SEC31B: variants seen among roughly 807,000 people sequenced by gnomAD.
SEC31B encodes protein transport protein Sec31B.
In SEC31B, 113 loss-of-function variants were observed where a neutral mutation model predicts 135.0. The observed-to-expected ratio is 0.84, with a 90% confidence interval of 0.72 to 0.98. SEC31B has a LOEUF of 0.98. SEC31B is among the 50% of genes least tolerant of loss of function. The probability of loss-of-function intolerance (pLI) is 0.00; values close to 1 mark genes in which losing one functional copy is unlikely to be tolerated. For missense variants in SEC31B, 1,296 were observed against 1,421.1 expected (o/e 0.91, Z 1.42); for synonymous variants, 508 against 549.4 (o/e 0.92, Z 1.05).
At chr10:100,516,526 G>C (rs1851850089) in intron 2 of SEC31B, among the ~76,000 whole-genome samples, 1 of 151,820 alleles carries the variant, frequency 6.6e-6, no homozygotes, top group Non-Finnish European at 1.5e-5. Context: ...GTGGGTACCT[G>C]TAGTCCCAGC....
intron 3 of SEC31B, among the ~76,000 whole-genome samples, chr10:100,510,516 T>C (rs1053412906): frequency 6.6e-6 from 1 of 152,214 alleles, no homozygotes; most frequent in South Asian, 2.1e-4. Context: ...ACATGTGAAA[T>C]CCCTGAAGCC....
chr10:100,497,185 C>A lies in SEC31B; in HGVS notation c.2086G>T (p.Val696Leu), dbSNP rs1241589148. 6.2e-7 allele frequency: 1 copy of A among 1,614,234 alleles called. No homozygotes were observed. Among genetic ancestry groups the A allele is most frequent in the Middle Eastern group, 1.6e-4 (1 of 6,062 alleles). ...TGGTGGCATTTTGCCCAGCACTCCA[C>A]CAGCCGCTCCACACTCCCTGAGCAC... ...YVCSGSVERL[V>L]ECWAKCHQAL... The change falls in exon 17 of 26, where the codon GTG becomes TTG. Residue 696 changes from valine (V) to leucine (L), a missense_variant. Transcript: ENST00000370345.
chr10:100,508,236 T>C (rs181653032), intron 5 of SEC31B, among the ~76,000 whole-genome samples, 185 bp from the exon 6 acceptor site: 2 of 152,250 alleles, frequency 1.3e-5, no homozygotes, highest in East Asian at 3.9e-4. Context: ...GGTATCAGTG[T>C]AGAAGCAGAG....
At chr10:100,499,474 C>T (rs894990452) in intron 12 of SEC31B, 50 bp downstream of exon 12, 2 of 1,460,322 alleles carry the variant, frequency 1.4e-6, no homozygotes, top group Non-Finnish European at 1.9e-6. Flanking sequence ...TGGCAACATT[C>T]TCTTCTTCTC....
intron 19 of SEC31B, among the ~76,000 whole-genome samples, chr10:100,494,015 G>A (rs1041225113): frequency 4.6e-5 from 7 of 151,672 alleles, no homozygotes; most frequent in African/African-American, 1.7e-4. Context: ...AGAAAGGGAG[G>A]GAGGAAAGGG....
chr10:100,495,333 T>A, intron 19 of SEC31B, 52 bp downstream of exon 19: 3 of 1,532,974 alleles, frequency 2.0e-6, no homozygotes, highest in Non-Finnish European at 2.7e-6. Context: ...CCCAGAACCA[T>A]GCTTGGCACG....
chr10:100,515,432 A>C (rs528535913), intron 3 of SEC31B, among the ~76,000 whole-genome samples: 2 of 152,346 alleles, frequency 1.3e-5, no homozygotes, highest in South Asian at 2.1e-4. Flanking sequence ...TCAACTTTAC[A>C]AGACCTTTAG....
chr10:100,489,154 C>T, intron 23 of SEC31B, 98 bp downstream of exon 23: 1 of 1,467,550 alleles, frequency 6.8e-7, no homozygotes, highest in Non-Finnish European at 9.1e-7. Flanking sequence ...CAGTCTCCCT[C>T]AGCACATGCC....
intron 3 of SEC31B, among the ~76,000 whole-genome samples, chr10:100,512,089 A>AT (rs977716599): frequency 6.6e-6 from 1 of 152,144 alleles, no homozygotes; most frequent in Non-Finnish European, 1.5e-5. Context: ...TACACAAATG[A>AT]TTTTTTTCTG....
chr10:100,511,799 G>T (rs932354500), intron 3 of SEC31B, among the ~76,000 whole-genome samples: 1 of 152,164 alleles, frequency 6.6e-6, no homozygotes, highest in African/African-American at 2.4e-5. Flanking sequence ...AGCCTCCCTA[G>T]AAGTCAAACA....
intron 19 of SEC31B, among the ~76,000 whole-genome samples, chr10:100,493,012 C>T (rs778373443): frequency 1.3e-5 from 2 of 152,176 alleles, no homozygotes; most frequent in Non-Finnish European, 2.9e-5. Context: ...ATACTCATAG[C>T]AGCTTTACTC....
In SEC31B at chr10:100,494,005, A is replaced by G. The variant is rs76912338; in HGVS notation, c.2472+1380T>C. Among the ~76,000 whole-genome samples the G allele has an allele frequency of 4.0e-3, 595 of 150,150 alleles. 6 individuals carry two copies. The highest frequency in any genetic ancestry group is 0.014 in the African/African-American group (561 of 40,124). ...GGGAAAAGGGGAGACAAGGGAGGGA[A>G]GAAAGGGAGGGAGGAAAGGGAGGGA... On this transcript the variant is annotated intron_variant, in intron 19 of 25. Coordinates refer to ENST00000370345, the MANE Select transcript of SEC31B (RefSeq NM_015490.4).
rs777614330 is a variant in SEC31B at position 100,502,338 on chromosome 10, T to A, written c.1326A>T (p.Gly442=). The A allele has an allele frequency of 6.2e-7, 1 of 1,614,170 alleles. No individual in the cohort carries two copies. Among genetic ancestry groups the A allele is most frequent in the Non-Finnish European group, 8.5e-7 (1 of 1,180,028 alleles). Residue 442 remains glycine (G), a synonymous_variant, in exon 11 of 26, where the codon GGA becomes GGT. Transcript: ENST00000370345. Reference sequence around the variant, plus strand: ...GACAGTAATTCAGTAGATTTCCTGATCCCAAGGCCTCCTGCAGCTCAGCTG... The same window carrying A: ...GACAGTAATTCAGTAGATTTCCTGAACCCAAGGCCTCCTGCAGCTCAGCTG... ...MRSAELQEAL[G]SGNLLNYCQN...
intron 3 of SEC31B, 139 bp from the exon 4 acceptor site, chr10:100,509,650 G>T (rs537819780): frequency 1.4e-5 from 9 of 634,232 alleles, no homozygotes; most frequent in African/African-American, 1.3e-4. Context: ...TCATTTCCCA[G>T]ACAGAAGGGA....
intron 9 of SEC31B, 107 bp downstream of exon 9, chr10:100,505,933 C>T (rs1851621296): frequency 6.4e-7 from 1 of 1,560,194 alleles, no homozygotes; most frequent in East Asian, 2.3e-5. Flanking sequence ...AAACCCCGGG[C>T]CCTGGTCTCC....
At chr10:100,497,032 A>C (rs1034329454) in intron 17 of SEC31B, 103 bp downstream of exon 17, 1 of 1,421,110 alleles carries the variant, frequency 7.0e-7, no homozygotes, top group African/African-American at 1.4e-5. Context: ...CCGTGGTTCC[A>C]GCCTGTCCCA....
intron 16 of SEC31B, 130 bp from the exon 17 acceptor site, chr10:100,497,410 C>T: frequency 4.6e-6 from 7 of 1,507,670 alleles, no homozygotes; most frequent in South Asian, 3.9e-5. Flanking sequence ...CTGAGACTCA[C>T]CTTGCTGTAC....
At chr10:100,497,020 C>T (rs1564649685) in intron 17 of SEC31B, 115 bp downstream of exon 17, 2 of 1,278,470 alleles carry the variant, frequency 1.6e-6, no homozygotes, top group Admixed American at 4.3e-5. Flanking sequence ...TCCTCCCTAA[C>T]ACCGTGGTTC....
intron 10 of SEC31B, among the ~76,000 whole-genome samples, chr10:100,504,368 T>C (rs1410779732): frequency 2.0e-5 from 3 of 152,212 alleles, no homozygotes; most frequent in Non-Finnish European, 4.4e-5. Context: ...ATTTAAAGCA[T>C]TGTACCAAGT....
Sources: gnomAD v4.1 joint callset for allele counts (sites outside exome capture counted in the v4.1 genomes callset) on GRCh38, gnomAD v4.1.1 for gene constraint, MANE v1.5 for transcripts, NCBI Gene and HGNC (gene_info 2026-07-23, HGNC 2026-07-21) for gene names.